Variants in ACHE observed in about 807,000 individuals in gnomAD.
ACHE encodes acetylcholinesterase (Yt blood group).
ACHE carries 19 observed loss-of-function variants against 53.9 expected under a neutral mutation model. That is an observed-to-expected ratio of 0.35 (90% confidence interval 0.25 to 0.52). The LOEUF (loss-of-function observed/expected upper bound fraction) is 0.52. Among genes scored for constraint, ACHE ranks in the 20% least tolerant of loss-of-function variants. The pLI is 0.95. For missense variants in ACHE, 605 were observed against 849.4 expected, an observed-to-expected ratio of 0.71 and a Z score of 3.58; for synonymous variants, 392 against 378.1, an observed-to-expected ratio of 1.04 and a Z score of -0.43.
chr7:100,892,448 T>C lies in ACHE; in HGVS notation c.1439A>G (p.Tyr480Cys). Reference protein sequence around the residue: ...WPLWMGVPHGYEIEFIFGIPL... With the variant: ...WPLWMGVPHGCEIEFIFGIPL... ...GATCCCAAAGATGAACTCGATCTCG[T>C]AGCCGTGGGGCACCCCCATCCACAG... is the stretch of plus-strand genomic sequence containing the variant. Residue 480 changes from tyrosine to cysteine, a missense_variant, in exon 3 of 5, where the codon TAC becomes TGC. Transcript: ENST00000241069. The surrounding 1 kb of genome is among the most constrained non-coding windows in gnomAD (Gnocchi z 5.2). 1 of 1,552,694 alleles carries C rather than the reference T, an allele frequency of 6.4e-7. No homozygotes were observed. The highest frequency in any genetic ancestry group is 8.7e-7 in the Non-Finnish European group (1 of 1,144,230).
chr7:100,891,108 G>C, intron 4 of ACHE, 61 bp downstream of exon 4: 1 of 1,556,970 alleles, frequency 6.4e-7, no homozygotes, highest in Non-Finnish European at 8.7e-7. Flanking sequence ...GAAGAGAGGG[G>C]TTACACCTGG....
At position 100,894,189 on chromosome 7, in the gene ACHE, G is replaced by A. The variant is rs1009303000; in HGVS notation, c.44C>T (p.Ser15Phe). ...CCAGAGGAGGAGGAGAAGGAGTGGG[G>A]AAGCCAGGGAAGGCGTGTGCAGCAG... ...QCLLHTPSLA[S>F]PLLLLLLWLL... Residue 15 changes from serine (S) to phenylalanine (F), a missense_variant, in exon 2 of 5, where the codon TCC (serine) becomes TTC (phenylalanine). Ser to Phe is a radical substitution (Grantham distance 155). Transcript: ENST00000241069. The A allele has an allele frequency of 2.0e-6, 3 of 1,477,176 alleles. No individual in the cohort carries two copies. Among genetic ancestry groups the A allele is most frequent in the Middle Eastern group, 1.9e-4 (1 of 5,196 alleles). 91.5% of individuals were successfully genotyped at this position (1,477,176 alleles called of 1,614,324 possible).
chr7:100,892,597 G>A lies in ACHE; in HGVS notation c.1290C>T (p.Ser430=), dbSNP rs528356898. 11 of 1,613,262 alleles carry A rather than the reference G, an allele frequency of 6.8e-6. No individual in the cohort carries two copies. The highest frequency in any genetic ancestry group is 6.7e-5 in the East Asian group (3 of 44,864). ...CGACATTGTGGTCGCCCACCACATC[G>A]CTCAGGGCCTCCCTCAGGCGTGCCG... The part of the protein sequence containing the change: ...EDPARLREAL[S]DVVGDHNVVC... Residue 430 remains serine (S), a synonymous_variant, in exon 3 of 5, where the codon AGC becomes AGT. Transcript: ENST00000241069. The surrounding 1 kb of genome is among the most constrained non-coding windows in gnomAD (Gnocchi z 5.2).
chr7:100,892,769 C>A lies in ACHE; in HGVS notation c.1118G>T (p.Gly373Val). 6.2e-7 allele frequency: 1 copy of A among 1,607,494 alleles called. No individual in the cohort carries two copies. Among genetic ancestry groups the A allele is most frequent in the Non-Finnish European group, 8.5e-7 (1 of 1,178,476 alleles). The change falls in exon 3 of 5, where the codon GGG becomes GTG. Residue 373 changes from glycine (G) to valine (V), a missense_variant. Physicochemically the swap from Gly to Val is moderately radical, Grantham distance 109. This residue lies in a region of ACHE where 397 missense variants were observed against 632.5 expected (regional missense o/e 0.63). Coordinates refer to ENST00000241069, the MANE Select transcript of ACHE (RefSeq NM_000665.5). The surrounding 1 kb of genome is among the most constrained non-coding windows in gnomAD (Gnocchi z 5.2). Reference sequence around the variant, plus strand: ...GTTGTCTTTGCTGAAGCCTGGGGCCCCGTAAACCAGAAAATACGAGCCCTC... The same window carrying A: ...GTTGTCTTTGCTGAAGCCTGGGGCCACGTAAACCAGAAAATACGAGCCCTC... ...KDEGSYFLVY[G>V]APGFSKDNES... is the part of the protein sequence containing the mutation.
At chr7:100,894,677 C>T (rs3808355) in intron 1 of ACHE, among the ~76,000 whole-genome samples, 38,240 of 151,970 alleles carry the variant, frequency 0.25, 5,681 homozygotes, top group East Asian at 0.45. Flanking sequence ...AAGCGCAGCC[C>T]CGCTCTCCTG....
chr7:100,894,444 G>A lies in ACHE; in HGVS notation c.-20-192C>T, dbSNP rs554907378. On this transcript the variant is annotated intron_variant, in intron 1 of 4. Transcript: ENST00000241069. ...AAGGACACAGGCCAGCGGGCAGGAGGGGAAAGAGATCAGGCAGACACCCAT... is the reference window on the plus strand; with the variant it reads ...AAGGACACAGGCCAGCGGGCAGGAGAGGAAAGAGATCAGGCAGACACCCAT... 6.5e-4 allele frequency: 297 copies of A among 453,614 alleles called. 2 individuals carry two copies. The highest frequency in any genetic ancestry group is 5.5e-3 in the African/African-American group (271 of 49,544). The allele number at this position is 453,614 out of a possible 1,614,324, so 28.1% of individuals were successfully genotyped here.
rs754626953 is a variant in ACHE at position 100,891,281 on chromosome 7, C to T, written c.1611G>A (p.Gly537=). The change falls in exon 4 of 5, where the codon GGG becomes GGA. Residue 537 remains glycine, a synonymous_variant. Coordinates refer to ENST00000241069, the MANE Select transcript of ACHE (RefSeq NM_000665.5). ...GGTCCAGACTAACGTACTGCTGAGC[C>T]CCCGCCGTGTACGGGGGCCATTGTG... ...KAPQWPPYTA[G]AQQYVSLDLR... 1 of 1,606,644 alleles carries T rather than the reference C, an allele frequency of 6.2e-7. No homozygotes were observed. The highest frequency in any genetic ancestry group is 8.5e-7 in the Non-Finnish European group (1 of 1,177,646).
rs778158615 is a variant in ACHE, at chr7:100,893,194, T to A, written c.1039A>T (p.Ile347Phe). 1.2e-6 allele frequency: 2 copies of A among 1,613,982 alleles called. No homozygotes were observed. Among genetic ancestry groups the A allele is most frequent in the Non-Finnish European group, 8.5e-7 (1 of 1,180,010 alleles). ...DFLSDTPEAL[I>F]NAGDFHGLQV... is the part of the protein sequence containing the mutation. ...AGGCCGTGGAAGTCTCCCGCGTTGA[T>A]GAGGGCCTCTGGGGTGTCACTGAGG... Residue 347 changes from isoleucine to phenylalanine, a missense_variant, in exon 2 of 5, where the codon ATC (isoleucine) becomes TTC (phenylalanine). This residue lies in a region of ACHE where 397 missense variants were observed against 632.5 expected (regional missense o/e 0.63). Transcript: ENST00000241069.
chr7:100,894,026 C>T lies in ACHE; in HGVS notation c.207G>A (p.Ala69=), dbSNP rs376602129. 2.3e-5 allele frequency: 37 copies of T among 1,607,370 alleles called. No individual in the cohort carries two copies. The highest frequency in any genetic ancestry group is 1.7e-4 in the Middle Eastern group (1 of 6,026). Reference sequence around the variant, plus strand: ...AGCGACGGGGTCCCATGGGTGGCTCCGCAAAGGGGATGCCCAGGAAAGCAG... The same window carrying T: ...AGCGACGGGGTCCCATGGGTGGCTCTGCAAAGGGGATGCCCAGGAAAGCAG... ...PVSAFLGIPF[A]EPPMGPRRFL... is the part of the protein sequence containing the mutation. The change falls in exon 2 of 5, where the codon GCG becomes GCA. Residue 69 remains alanine (A), a synonymous_variant. Coordinates refer to ENST00000241069, the MANE Select transcript of ACHE (RefSeq NM_000665.5).
intron 1 of ACHE, 26 bp from the exon 2 acceptor site, chr7:100,894,278 G>C: frequency 7.1e-7 from 1 of 1,403,508 alleles, no homozygotes; most frequent in Non-Finnish European, 9.3e-7. Context: ...AAGGGAAAGG[G>C]TGAAGGGTCG....
chr7:100,892,927 G>A lies in ACHE; in HGVS notation c.1069-109C>T, dbSNP rs112841816. 54 of 1,372,776 alleles carry A rather than the reference G, an allele frequency of 3.9e-5. No individual in the cohort carries two copies. The highest frequency in any genetic ancestry group is 5.1e-5 in the Admixed American group (2 of 39,364). 85.0% of individuals were successfully genotyped at this position (1,372,776 alleles called of 1,614,324 possible). A position where few individuals can be genotyped will look rare whatever the true frequency, so the allele number is the denominator to read the frequency against. ...CAGAGAGATGAACAGTTACAGACCC[G>A]GAACCATGGACAGAGAGAGGACGAG... On this transcript the variant is annotated intron_variant, in intron 2 of 4. Transcript: ENST00000241069. This position sits in a 1 kb window ranked among gnomAD's most constrained non-coding sequence, Gnocchi z 5.2.
intron 4 of ACHE, chr7:100,890,677 G>A (rs1790623086): frequency 7.6e-7 from 1 of 1,323,464 alleles, no homozygotes; most frequent in Non-Finnish European, 9.6e-7. Flanking sequence ...GTGCTACCCC[G>A]TCCGGGGCCT....
At position 100,890,088 on chromosome 7, in the gene ACHE, G is replaced by C; in HGVS notation, c.*126C>G. On this transcript the variant is annotated 3_prime_UTR_variant, in exon 5 of 5. Coordinates refer to ENST00000241069, the MANE Select transcript of ACHE (RefSeq NM_000665.5). ...ATGCAGAGGACCGGGAGCCCCGGGG[G>C]ACGTCGGGGTGGGGTGGGGATGGGC... is the stretch of plus-strand genomic sequence containing the variant. The C allele has an allele frequency of 2.5e-6, 3 of 1,204,560 alleles. No homozygotes were observed. In the South Asian group the frequency reaches 4.6e-5, roughly 18 times the overall value. 74.6% of individuals were successfully genotyped at this position (1,204,560 alleles called of 1,614,324 possible).
rs748359177 is a variant in ACHE at position 100,891,382 on chromosome 7, G to A, written c.1554-44C>T. 10 of 1,487,120 alleles carry A rather than the reference G, an allele frequency of 6.7e-6. No individual in the cohort carries two copies. The East Asian group carries it at 2.1e-4, about 32-fold the overall frequency. 92.1% of individuals were successfully genotyped at this position (1,487,120 alleles called of 1,614,324 possible). A position where few individuals can be genotyped will look rare whatever the true frequency, so the allele number is the denominator to read the frequency against. Reference sequence around the variant, plus strand: ...GCTCAGTCCAGACGGGCAGTGGGAGGAGGTGGCCCCCAACTCCACGGGATC... The same window carrying A: ...GCTCAGTCCAGACGGGCAGTGGGAGAAGGTGGCCCCCAACTCCACGGGATC... On this transcript the variant is annotated intron_variant, in intron 3 of 4. Transcript: ENST00000241069.
Position 100,893,987 on chromosome 7 carries a change from C to G in ACHE, c.246G>C (p.Glu82Asp), listed in dbSNP as rs1222742638. ...CCACCCCTGACCAAGGCTGCTTGGG[C>G]TCCGGTGGCAGAAAGCGACGGGGTC... is the stretch of plus-strand genomic sequence containing the variant. The part of the protein sequence containing the change: ...PMGPRRFLPP[E>D]PKQPWSGVVD... The change falls in exon 2 of 5, where the codon GAG becomes GAC. Residue 82 changes from glutamate to aspartate, a missense_variant. Glu to Asp is a conservative substitution (Grantham distance 45, BLOSUM62 2). Coordinates refer to ENST00000241069, the MANE Select transcript of ACHE (RefSeq NM_000665.5). The G allele has an allele frequency of 6.2e-7, 1 of 1,612,096 alleles. No homozygotes were observed. Among genetic ancestry groups the G allele is most frequent in the Admixed American group, 1.7e-5 (1 of 59,542 alleles).
rs914322530 is a variant in ACHE at position 100,891,215 on chromosome 7, G to C, written c.1677C>G (p.Ala559=). 6.2e-7 allele frequency: 1 copy of C among 1,609,992 alleles called. No individual in the cohort carries two copies. The highest frequency in any genetic ancestry group is 8.5e-7 in the Non-Finnish European group (1 of 1,179,318). ...LEVRRGLRAQ[A]CAFWNRFLPK... ...GGAGGAAGCGGTTCCAGAAGGCGCA[G>C]GCCTGGGCGCGCAGCCCCCGCCGCA... Residue 559 remains alanine, a synonymous_variant, in exon 4 of 5, where the codon GCC becomes GCG. Transcript: ENST00000241069.
rs577469855 is a variant in ACHE, at chr7:100,895,192, C to T, written c.-21+610G>A. Among the ~76,000 whole-genome samples the T allele has an allele frequency of 1.4e-4, 21 of 152,278 alleles. No individual in the cohort carries two copies. The East Asian group carries it at 3.7e-3, about 27-fold the overall frequency. On this transcript the variant is annotated intron_variant, in intron 1 of 4. Coordinates refer to ENST00000241069, the MANE Select transcript of ACHE (RefSeq NM_000665.5). The stretch of plus-strand genomic sequence containing the variant: ...CATCTCCAGCCAAAGGATCAAAATT[C>T]CCCGGGTGGGAACTCCCCCCTCTCC...
intron 4 of ACHE, 185 bp downstream of exon 4, chr7:100,890,984 A>AGAGGAGGAGAAGCTGGTG (rs1563033225): frequency 6.8e-7 from 1 of 1,460,748 alleles, no homozygotes. Flanking sequence ...TGGGAGAGGA[A>AGAGGAGGAGAAGCTGGTG]GAGGAGGAGA....
chr7:100,890,374 G>A, intron 4 of ACHE, 39 bp from the exon 5 acceptor site: 1 of 1,589,770 alleles, frequency 6.3e-7, no homozygotes. Context: ...AGGGGAGGAC[G>A]GCACGAGGAA....
Sources: allele counts gnomAD v4.1 joint callset (sites outside exome capture counted in the v4.1 genomes callset), GRCh38; gene constraint gnomAD v4.1.1; regional missense constraint gnomAD v4.1.1; non-coding constraint Gnocchi (gnomAD v3.1); transcripts MANE v1.5; gene names NCBI Gene and HGNC (gene_info 2026-07-23, HGNC 2026-07-21).